The following GRXCR2 variants were observed in gnomAD, a reference collection of about 807,000 sequenced individuals.
GRXCR2 encodes the protein glutaredoxin and cysteine rich domain containing 2, also known as glutaredoxin domain-containing cysteine-rich protein 2.
Under a neutral mutation model 24.8 loss-of-function variants are expected in GRXCR2, and 23 were observed. The observed-to-expected ratio is 0.93, with a 90% CI of 0.67 to 1.32. The LOEUF (loss-of-function observed/expected upper bound fraction) is 1.32, where lower values mean the gene tolerates loss of function less well. Ranked by LOEUF, GRXCR2 falls within the 40% of genes most tolerant of loss-of-function variation. GRXCR2 has a pLI of 0.00. For synonymous variants in GRXCR2, 130 were observed against 116.1 expected, an observed-to-expected ratio of 1.12 and a Z score of -0.77; for missense variants, 315 against 303.4, an observed-to-expected ratio of 1.04 and a Z score of -0.28.
rs776496347 is a variant in GRXCR2, at chr5:145,873,003, C to T, written c.-35G>A. 1.7e-5 allele frequency: 27 copies of T among 1,575,642 alleles called. No individual in the cohort carries two copies. The highest frequency in any genetic ancestry group is 8.1e-5 in the African/African-American group (6 of 73,754). On this transcript the variant is annotated 5_prime_UTR_variant, in exon 1 of 3. Coordinates refer to ENST00000377976, the MANE Select transcript of GRXCR2 (RefSeq NM_001080516.2). ...GTTGACCCTGTGGTCTCCAGCCTTC[C>T]GTGCAGCCGGTGAAACTTGGGCCTC...
chr5:145,927,002 A>G (rs550617167), intron 2 of GRXCR2, among the ~76,000 whole-genome samples: 1 of 152,192 alleles, frequency 6.6e-6, no homozygotes, highest in Admixed American at 6.5e-5. Context: ...TGTGAGTGGG[A>G]GTTCACTCAT....
chr5:145,873,547 G>A (rs1756566965), upstream of GRXCR2, among the ~76,000 whole-genome samples: 1 of 152,114 alleles, frequency 6.6e-6, no homozygotes, highest in Admixed American at 6.5e-5. Context: ...GACAGAGCAG[G>A]GATTTGAACC....
intron 2 of GRXCR2, among the ~76,000 whole-genome samples, chr5:145,890,038 G>C (rs775213162): frequency 6.6e-6 from 1 of 152,196 alleles, no homozygotes; most frequent in African/African-American, 2.4e-5. Context: ...TTAAAGACCA[G>C]ACTTTTGAAC....
chr5:145,888,857 AG>A (rs1756813813), intron 2 of GRXCR2, among the ~76,000 whole-genome samples: 1 of 152,120 alleles, frequency 6.6e-6, no homozygotes, highest in Admixed American at 6.5e-5. Context: ...ATTGAAAAAT[AG>A]GTCTTGGCAC....
intron 2 of GRXCR2, among the ~76,000 whole-genome samples, chr5:145,913,176 G>T (rs1757190642): frequency 1.3e-5 from 2 of 152,158 alleles, no homozygotes; most frequent in East Asian, 3.8e-4. Flanking sequence ...AATGTGGGTA[G>T]ATTACCACCA....
chr5:145,900,814 A>T (rs1216480167), intron 2 of GRXCR2, among the ~76,000 whole-genome samples: 3 of 152,200 alleles, frequency 2.0e-5, no homozygotes, highest in Non-Finnish European at 4.4e-5. Flanking sequence ...AAAACAAATC[A>T]TTCTACCAAA....
chr5:145,909,371 G>A (rs1204045102), intron 2 of GRXCR2, among the ~76,000 whole-genome samples: 2 of 151,578 alleles, frequency 1.3e-5, no homozygotes, highest in East Asian at 2.0e-4. Flanking sequence ...AGAAGGATTC[G>A]TCTATTTTCA....
chr5:145,885,117 G>T (rs1561682034), intron 2 of GRXCR2, among the ~76,000 whole-genome samples: 1 of 151,470 alleles, frequency 6.6e-6, no homozygotes, highest in African/African-American at 2.4e-5. Flanking sequence ...GTGTGTGTGT[G>T]TGTGTCTGTC....
At chr5:145,913,305 A>G (rs1344274349) in intron 2 of GRXCR2, among the ~76,000 whole-genome samples, 1 of 152,130 alleles carries the variant, frequency 6.6e-6, no homozygotes, top group Non-Finnish European at 1.5e-5. Flanking sequence ...TAGTTTTTCT[A>G]TATTTAAGGA....
chr5:145,905,561 A>C (rs560398961), intron 2 of GRXCR2, among the ~76,000 whole-genome samples: 17 of 152,350 alleles, frequency 1.1e-4, no homozygotes, highest in African/African-American at 3.6e-4. Flanking sequence ...TGGTATTTAC[A>C]TATATAACAT....
intron 2 of GRXCR2, among the ~76,000 whole-genome samples, chr5:145,905,116 G>A (rs1422367454): frequency 6.6e-6 from 1 of 152,174 alleles, no homozygotes; most frequent in Non-Finnish European, 1.5e-5. Flanking sequence ...ATGGTTCTTT[G>A]ACTACCACCA....
chr5:145,893,817 C>A lies in GRXCR2; in HGVS notation c.-69-27089G>T, dbSNP rs114503382. On this transcript the variant is annotated intron_variant, in intron 2 of 3. Transcript: ENST00000639411. ...ATCTATAGAACTCTCCACCCCAAAT[C>A]AAGAGAACATGCATTCTTTTCAGCA... 6.3e-3 allele frequency among the ~76,000 whole-genome samples: 958 copies of A among 152,278 alleles called. 9 individuals carry two copies. Among genetic ancestry groups the A allele is most frequent in the African/African-American group, 0.022 (908 of 41,544 alleles).
At chr5:145,917,233 C>G (rs1159457216) in intron 2 of GRXCR2, among the ~76,000 whole-genome samples, 1 of 151,478 alleles carries the variant, frequency 6.6e-6, no homozygotes, top group Non-Finnish European at 1.5e-5. Context: ...TCTTTCTTCC[C>G]CAAAGTGGAT....
chr5:145,881,457 T>A (rs1244688499), intron 2 of GRXCR2, among the ~76,000 whole-genome samples: 1 of 152,094 alleles, frequency 6.6e-6, no homozygotes, highest in East Asian at 1.9e-4. Context: ...TACCTAGGAA[T>A]CCAACTTACA....
chr5:145,918,137 C>G lies in GRXCR2; in HGVS notation c.-70+17564G>C, dbSNP rs567113101. The stretch of plus-strand genomic sequence containing the variant: ...AGGGAATGCCAGTTCCCGTGATTGC[C>G]ACTTTTCAGTTGAATGCTGGTATTC... On this transcript the variant is annotated intron_variant, in intron 2 of 3. Transcript: ENST00000639411. Among the ~76,000 whole-genome samples, 5 of 152,316 alleles carry G rather than the reference C, an allele frequency of 3.3e-5. No individual in the cohort carries two copies. The South Asian group carries it at 1.0e-3, about 32-fold the overall frequency.
At position 145,859,806 on chromosome 5, in the gene GRXCR2, T is replaced by G; in HGVS notation, c.674A>C (p.Glu225Ala). 1 of 1,614,170 alleles carries G rather than the reference T, an allele frequency of 6.2e-7. No homozygotes were observed. Among genetic ancestry groups the G allele is most frequent in the Non-Finnish European group, 8.5e-7 (1 of 1,180,010 alleles). Residue 225 changes from glutamate (E) to alanine (A), a missense_variant, in exon 3 of 3, where the codon GAG becomes GCG. Transcript: ENST00000377976. ...KFSMLANRFK[E>A]SYRALRCPAC... is the part of the protein sequence containing the mutation. The stretch of plus-strand genomic sequence containing the variant: ...AGGGCACCTCAGGGCCCGATAGGAC[T>G]CCTTAAATCTGTTGGCCAGCATCGA...
At chr5:145,918,683 G>A (rs1757277054) in intron 2 of GRXCR2, among the ~76,000 whole-genome samples, 1 of 152,178 alleles carries the variant, frequency 6.6e-6, no homozygotes, top group Non-Finnish European at 1.5e-5. Flanking sequence ...GCTCCCACCT[G>A]TGTAACTGTA....
At chr5:145,900,988 C>T (rs781322430) in intron 2 of GRXCR2, among the ~76,000 whole-genome samples, 2 of 152,146 alleles carry the variant, frequency 1.3e-5, no homozygotes, top group African/African-American at 4.8e-5. Flanking sequence ...ATGTCCTTTG[C>T]AGCAATATGG....
downstream of GRXCR2, among the ~76,000 whole-genome samples, chr5:145,857,869 T>G (rs1756264395): frequency 6.6e-6 from 1 of 152,126 alleles, no homozygotes; most frequent in South Asian, 2.1e-4. Context: ...AATTATCCAT[T>G]TATGTATCTA....
Sources: allele counts gnomAD v4.1 joint callset (sites outside exome capture counted in the v4.1 genomes callset), GRCh38; gene constraint gnomAD v4.1.1; transcripts MANE v1.5; gene names NCBI Gene and HGNC (gene_info 2026-07-23, HGNC 2026-07-21).